The following DNM3 variants were observed in gnomAD, a reference collection of about 807,000 sequenced individuals.
DNM3 encodes the protein dynamin 3.
A neutral mutation model predicts 101.6 loss-of-function variants in DNM3; 47 were observed. The ratio of observed to expected loss-of-function variants is 0.46; its 90% CI spans 0.37 to 0.59. DNM3 has a LOEUF of 0.59. Among genes scored for constraint, DNM3 ranks in the 20% least tolerant of loss-of-function variants. DNM3 has a pLI of 0.00. For synonymous variants in DNM3, 385 were observed against 387.9 expected (o/e 0.99, Z 0.09); for missense variants, 849 against 1,085.7 (o/e 0.78, Z 3.06).
At chr1:172,031,691 T>C (rs1329680215) in intron 4 of DNM3, among the ~76,000 whole-genome samples, 1 of 152,190 alleles carries the variant, frequency 6.6e-6, no homozygotes, top group Non-Finnish European at 1.5e-5. Context: ...ACATTATTTA[T>C]TACTGGAAGA....
At chr1:172,057,165 G>A (rs1012808059) in intron 10 of DNM3, among the ~76,000 whole-genome samples, 28 of 152,020 alleles carry the variant, frequency 1.8e-4, no homozygotes, top group African/African-American at 6.8e-4. Context: ...AAAGAAACGA[G>A]CAAAGCCTCC....
intron 17 of DNM3, among the ~76,000 whole-genome samples, chr1:172,372,919 A>G (rs1386313374): frequency 2.0e-5 from 3 of 151,882 alleles, no homozygotes; most frequent in Non-Finnish European, 4.4e-5. Flanking sequence ...CATGAGCTCA[A>G]GTGATCTACC....
chr1:172,276,807 C>A (rs1480056579), intron 15 of DNM3, among the ~76,000 whole-genome samples: 1 of 151,898 alleles, frequency 6.6e-6, no homozygotes, highest in African/African-American at 2.4e-5. Flanking sequence ...ATAAGTTAGA[C>A]AAAAGGCAAG....
chr1:172,254,027 G>A (rs1432526458), intron 15 of DNM3, among the ~76,000 whole-genome samples: 6 of 151,684 alleles, frequency 4.0e-5, no homozygotes, highest in African/African-American at 1.5e-4. Context: ...CTGCAGCCTC[G>A]AACTCCTGGG....
chr1:172,210,313 G>GTTTT (rs2060468204), intron 14 of DNM3, among the ~76,000 whole-genome samples: 1 of 101,650 alleles, frequency 9.8e-6, no homozygotes. Context: ...AAGAGAGCGT[G>GTTTT]CTTTTTTTTT....
chr1:172,084,882 C>T (rs2053421546), intron 12 of DNM3, among the ~76,000 whole-genome samples: 1 of 151,892 alleles, frequency 6.6e-6, no homozygotes, highest in Admixed American at 6.6e-5. Context: ...ACTTGGATGA[C>T]TTTTTGTTCT....
At chr1:172,196,600 T>A (rs1196733365) in intron 14 of DNM3, among the ~76,000 whole-genome samples, 2 of 152,112 alleles carry the variant, frequency 1.3e-5, no homozygotes, top group Admixed American at 6.6e-5. Flanking sequence ...ATAGCCATGC[T>A]GACTGGCATG....
chr1:171,931,523 C>T (rs12141726), intron 2 of DNM3, among the ~76,000 whole-genome samples: 23,666 of 152,104 alleles, frequency 0.16, 2,414 homozygotes, highest in South Asian at 0.26. Context: ...GAAATCTGTA[C>T]ATTTAGATTT....
At chr1:171,964,708 C>T (rs939692724) in intron 2 of DNM3, among the ~76,000 whole-genome samples, 2 of 152,084 alleles carry the variant, frequency 1.3e-5, no homozygotes, top group Admixed American at 1.3e-4. Context: ...TCATGGTATT[C>T]TACCAAATAA....
At chr1:172,279,358 T>C (rs1475777832) in intron 15 of DNM3, among the ~76,000 whole-genome samples, 1 of 152,178 alleles carries the variant, frequency 6.6e-6, no homozygotes, top group Non-Finnish European at 1.5e-5. Flanking sequence ...CTTGAATAAT[T>C]CCCAAATTGG....
chr1:172,145,788 C>T (rs1270408251), intron 14 of DNM3, among the ~76,000 whole-genome samples: 2 of 152,120 alleles, frequency 1.3e-5, no homozygotes, highest in Non-Finnish European at 2.9e-5. Context: ...TGTTTTGATA[C>T]TTTTGTTTTG....
chr1:172,316,647 AT>A (rs1232815412), intron 16 of DNM3, among the ~76,000 whole-genome samples: 1 of 152,150 alleles, frequency 6.6e-6, no homozygotes, highest in African/African-American at 2.4e-5. Context: ...AAAGAAGGCT[AT>A]TACATAATGG....
intron 1 of DNM3, among the ~76,000 whole-genome samples, chr1:171,902,588 A>AT (rs1004163690): frequency 2.0e-5 from 3 of 151,172 alleles, no homozygotes; most frequent in Non-Finnish European, 4.4e-5. Flanking sequence ...AGGAGGGAGT[A>AT]TTTTTTTTAA....
chr1:171,876,673 G>T (rs968911224), intron 1 of DNM3, among the ~76,000 whole-genome samples: 13 of 152,084 alleles, frequency 8.5e-5, no homozygotes, highest in African/African-American at 3.1e-4. Context: ...TCAAACCTTT[G>T]TTGAAAAAAT....
intron 16 of DNM3, among the ~76,000 whole-genome samples, chr1:172,313,534 G>A (rs1025630163): frequency 6.6e-6 from 1 of 152,130 alleles, no homozygotes; most frequent in Non-Finnish European, 1.5e-5. Context: ...AACATAATGT[G>A]TGCCATGGAA....
chr1:172,034,444 G>T (rs1240566620), intron 6 of DNM3, among the ~76,000 whole-genome samples: 1 of 151,964 alleles, frequency 6.6e-6, no homozygotes, highest in Non-Finnish European at 1.5e-5. Flanking sequence ...AAATCTCAGA[G>T]GAAACTCACT....
At chr1:172,119,541 C>CA (rs1468338866) in intron 13 of DNM3, among the ~76,000 whole-genome samples, 3 of 152,142 alleles carry the variant, frequency 2.0e-5, no homozygotes, top group Admixed American at 2.0e-4. Flanking sequence ...CCAGACATTG[C>CA]ACGTTGGCTT....
chr1:172,052,482 A>G (rs910930783), intron 10 of DNM3, among the ~76,000 whole-genome samples: 5 of 152,178 alleles, frequency 3.3e-5, no homozygotes, highest in Non-Finnish European at 5.9e-5. Flanking sequence ...GGAAAAAAGT[A>G]GTTTATGCTT....
chr1:171,906,127 A>ATT (rs767499060), intron 1 of DNM3, among the ~76,000 whole-genome samples: 2,448 of 131,412 alleles, frequency 0.019, 68 homozygotes, highest in African/African-American at 0.064. Context: ...GTTCAATTGC[A>ATT]TTTTTTTTTT....
Sources: allele counts gnomAD v4.1 joint callset (sites outside exome capture counted in the v4.1 genomes callset), GRCh38; gene constraint gnomAD v4.1.1; transcripts MANE v1.5; gene names NCBI Gene and HGNC (gene_info 2026-07-23, HGNC 2026-07-21).